Variants in PTPN4 observed in about 807,000 individuals in gnomAD.
The protein encoded by PTPN4 is tyrosine-protein phosphatase non-receptor type 4.
In PTPN4, 49 loss-of-function variants were observed where a neutral mutation model predicts 135.5. The observed-to-expected ratio is 0.36, with a 90% CI of 0.29 to 0.46. PTPN4 has a LOEUF of 0.46. Ranked by LOEUF, PTPN4 falls within the 20% of genes least tolerant of loss-of-function variation. The pLI, the probability that PTPN4 is intolerant of heterozygous loss-of-function variation, is 1.00. For missense variants in PTPN4, 860 were observed against 1,101.0 expected, an observed-to-expected ratio of 0.78 and a Z score of 3.10; for synonymous variants, 333 against 369.9, an observed-to-expected ratio of 0.90 and a Z score of 1.14.
intron 24 of PTPN4, 112 bp downstream of exon 24, chr2:119,962,856 T>A: frequency 1.1e-6 from 1 of 907,038 alleles, no homozygotes; most frequent in Non-Finnish European, 1.5e-6. Flanking sequence ...ATAAGAATTA[T>A]TGAATTATTT....
At position 119,938,166 on chromosome 2, in the gene PTPN4, C is replaced by T. The variant is rs186865313; in HGVS notation, c.1355+3208C>T. On this transcript the variant is annotated intron_variant, in intron 15 of 26. Coordinates refer to ENST00000263708, the MANE Select transcript of PTPN4 (RefSeq NM_002830.4). Reference sequence around the variant, plus strand: ...TTTTTGAGACAAAGTCTCACTCTGTCGCCCAGGCTGGAGTGCAGTGGCACA... The same window carrying T: ...TTTTTGAGACAAAGTCTCACTCTGTTGCCCAGGCTGGAGTGCAGTGGCACA... Among the ~76,000 whole-genome samples, 242 of 127,426 alleles carry T rather than the reference C, an allele frequency of 1.9e-3. 2 individuals carry two copies. The highest frequency in any genetic ancestry group is 1.7e-4 in the Non-Finnish European group (11 of 63,566). The allele number at this position is 127,426 out of a possible 152,430, so 83.6% of individuals were successfully genotyped here. A position where few individuals can be genotyped will look rare whatever the true frequency, so the allele number is the denominator to read the frequency against.
intron 14 of PTPN4, among the ~76,000 whole-genome samples, chr2:119,933,447 A>T (rs1678934746): frequency 6.6e-6 from 1 of 152,050 alleles, no homozygotes; most frequent in African/African-American, 2.4e-5. Flanking sequence ...GGGAGGCCAA[A>T]GTGTGTGGAT....
intron 2 of PTPN4, among the ~76,000 whole-genome samples, chr2:119,849,146 G>A (rs1677553152): frequency 6.6e-6 from 1 of 152,028 alleles, no homozygotes; most frequent in African/African-American, 2.4e-5. Flanking sequence ...TAGTTCTGTG[G>A]ATATATTTAT....
At chr2:119,783,093 C>T (rs189154300) in intron 1 of PTPN4, among the ~76,000 whole-genome samples, 1 of 152,078 alleles carries the variant, frequency 6.6e-6, no homozygotes, top group Admixed American at 6.5e-5. Context: ...AAATGGGTGC[C>T]CTGTTTTTGC....
intron 9 of PTPN4, among the ~76,000 whole-genome samples, chr2:119,898,447 G>A (rs1678356282): frequency 6.6e-6 from 1 of 152,138 alleles, no homozygotes; most frequent in Admixed American, 6.5e-5. Context: ...TAAAGGCCTT[G>A]GATCCCAAGC....
intron 15 of PTPN4, among the ~76,000 whole-genome samples, chr2:119,939,466 A>G (rs1238079014): frequency 6.6e-6 from 1 of 151,824 alleles, no homozygotes; most frequent in Non-Finnish European, 1.5e-5. Flanking sequence ...ATGCCCAGCT[A>G]ATTTTTGTAT....
At chr2:119,853,496 T>A (rs2104981422) in intron 2 of PTPN4, among the ~76,000 whole-genome samples, 1 of 152,050 alleles carries the variant, frequency 6.6e-6, no homozygotes, top group East Asian at 1.9e-4. Context: ...ACATTAAAAA[T>A]TTTTTATGCT....
intron 2 of PTPN4, 63 bp from the exon 3 acceptor site, chr2:119,862,473 A>G: frequency 6.2e-6 from 9 of 1,452,852 alleles, no homozygotes; most frequent in Non-Finnish European, 8.5e-6. Context: ...CAACCAGGTT[A>G]AAAAATGTGA....
At chr2:119,780,017 A>G (rs1030571262) in intron 1 of PTPN4, among the ~76,000 whole-genome samples, 7 of 152,114 alleles carry the variant, frequency 4.6e-5, no homozygotes, top group Admixed American at 2.6e-4. Context: ...AAGTGCTGGG[A>G]TTACAGGCAT....
At chr2:119,895,301 T>C (rs1678304390) in intron 9 of PTPN4, among the ~76,000 whole-genome samples, 1 of 152,242 alleles carries the variant, frequency 6.6e-6, no homozygotes, top group African/African-American at 2.4e-5. Flanking sequence ...GTTATCGTAC[T>C]GTTAACATGT....
chr2:119,943,748 A>G (rs1311347023), intron 15 of PTPN4, among the ~76,000 whole-genome samples: 5 of 151,404 alleles, frequency 3.3e-5, no homozygotes, highest in Admixed American at 6.6e-5. Flanking sequence ...CACCATGCCT[A>G]GCTAATTTTT....
chr2:119,975,789 A>C (rs1679606879), intron 26 of PTPN4, among the ~76,000 whole-genome samples: 1 of 152,082 alleles, frequency 6.6e-6, no homozygotes, highest in Non-Finnish European at 1.5e-5. Flanking sequence ...ACACACATTG[A>C]TTAGTTTTAT....
At chr2:119,939,027 G>A (rs555656438) in intron 15 of PTPN4, among the ~76,000 whole-genome samples, 3 of 152,124 alleles carry the variant, frequency 2.0e-5, no homozygotes, top group South Asian at 2.1e-4. Flanking sequence ...TTTTATCTCC[G>A]TAAGCCTGTT....
chr2:119,785,497 A>G (rs1691031177), intron 1 of PTPN4, among the ~76,000 whole-genome samples: 1 of 152,160 alleles, frequency 6.6e-6, no homozygotes, highest in Admixed American at 6.5e-5. Context: ...GGCATAGTAG[A>G]GTTGTTAAAT....
At chr2:119,883,496 T>C (rs534866066) in intron 8 of PTPN4, among the ~76,000 whole-genome samples, 9 of 152,272 alleles carry the variant, frequency 5.9e-5, no homozygotes, top group Admixed American at 2.6e-4. Flanking sequence ...TCAAAAGAGA[T>C]TTGTTGCCTT....
In PTPN4 at chr2:119,760,395, C is replaced by T. The variant is rs1690459736; in HGVS notation, c.-18+11C>T. The T allele has an allele frequency of 5.2e-6, 2 of 388,052 alleles. No individual in the cohort carries two copies. Among genetic ancestry groups the T allele is most frequent in the Admixed American group, 4.5e-5 (1 of 22,380 alleles). The allele number at this position is 388,052 out of a possible 1,614,324, so 24.0% of individuals were successfully genotyped here. A position where few individuals can be genotyped will look rare whatever the true frequency, so the allele number is the denominator to read the frequency against. On this transcript the variant is annotated intron_variant, in intron 1 of 26. Coordinates refer to ENST00000263708, the MANE Select transcript of PTPN4 (RefSeq NM_002830.4). ...CTGTGATATACGAAGGTAAGAGGTTCTCCGGTCCCCGCCGGCCTCTCGGCC... is the reference window on the plus strand; with the variant it reads ...CTGTGATATACGAAGGTAAGAGGTTTTCCGGTCCCCGCCGGCCTCTCGGCC...
In PTPN4 at chr2:119,932,418, C is replaced by A. The variant is rs2105037826; in HGVS notation, c.1071-6C>A. On this transcript the variant is annotated splice_polypyrimidine_tract_variant and splice_region_variant and intron_variant, in intron 13 of 26. Transcript: ENST00000263708. Reference sequence around the variant, plus strand: ...TTTTAACATATTATTTAATTTATTTCTGCAGATCCCCAAGTAAGCCCTTGG... The same window carrying A: ...TTTTAACATATTATTTAATTTATTTATGCAGATCCCCAAGTAAGCCCTTGG... The A allele has an allele frequency of 2.5e-6, 4 of 1,591,680 alleles. No individual in the cohort carries two copies. The East Asian group carries it at 9.1e-5, about 36-fold the overall frequency.
intron 2 of PTPN4, among the ~76,000 whole-genome samples, chr2:119,858,493 A>G (rs911764410): frequency 2.0e-5 from 3 of 152,190 alleles, no homozygotes; most frequent in Non-Finnish European, 4.4e-5. Context: ...TTTACAAACA[A>G]AATACTCAAA....
rs200619269 is a variant in PTPN4, at chr2:119,955,252, C to G, written c.1909C>G (p.His637Asp). Residue 637 changes from histidine (H) to aspartate (D), a missense_variant, in exon 20 of 27, where the codon CAT (histidine) becomes GAT (aspartate). Coordinates refer to ENST00000263708, the MANE Select transcript of PTPN4 (RefSeq NM_002830.4). ...APLDSVHQDD[H>D]SLRESMIQLA... Reference sequence around the variant, plus strand: ...ACTAGATAGTGTGCATCAGGATGACCATTCCCTGCGGGAGTCAATGATCCA... The same window carrying G: ...ACTAGATAGTGTGCATCAGGATGACGATTCCCTGCGGGAGTCAATGATCCA... 1 of 1,613,562 alleles carries G rather than the reference C, an allele frequency of 6.2e-7. No homozygotes were observed. Among genetic ancestry groups the G allele is most frequent in the Non-Finnish European group, 8.5e-7 (1 of 1,179,778 alleles).
Sources: gnomAD v4.1 joint callset for allele counts (sites outside exome capture counted in the v4.1 genomes callset) on GRCh38, gnomAD v4.1.1 for gene constraint, MANE v1.5 for transcripts, NCBI Gene and HGNC (gene_info 2026-07-23, HGNC 2026-07-21) for gene names.